NCALD: variants seen among roughly 807,000 people sequenced by gnomAD.
NCALD encodes the protein neurocalcin delta, also known as neurocalcin-delta.
NCALD carries 10 observed loss-of-function variants against 18.6 expected under a neutral mutation model. The ratio of observed to expected loss-of-function variants is 0.54; its 90% CI spans 0.33 to 0.91. The LOEUF (loss-of-function observed/expected upper bound fraction) is 0.91. Ranked by LOEUF, NCALD falls within the 40% of genes least tolerant of loss-of-function variation. NCALD has a pLI of 0.03. For missense variants in NCALD, 184 were observed against 247.6 expected, an observed-to-expected ratio of 0.74 and a Z score of 1.72; for synonymous variants, 88 against 87.4, an observed-to-expected ratio of 1.01 and a Z score of -0.04.
At chr8:101,794,213 A>G (rs1401759166), upstream of NCALD, among the ~76,000 whole-genome samples, 1 of 152,230 alleles carries the variant, frequency 6.6e-6, no homozygotes, top group Non-Finnish European at 1.5e-5. Context: ...GACTCTGATA[A>G]GCCTACAAAG....
chr8:101,826,239 C>T (rs1416024069), intron 4 of NCALD, among the ~76,000 whole-genome samples: 2 of 152,132 alleles, frequency 1.3e-5, no homozygotes, highest in Admixed American at 6.5e-5. Flanking sequence ...GGACCCTAGG[C>T]GGGAGTGTTT....
chr8:102,075,042 C>T (rs1824297402), intron 1 of NCALD, among the ~76,000 whole-genome samples: 2 of 152,180 alleles, frequency 1.3e-5, no homozygotes, highest in Admixed American at 1.3e-4. Context: ...GAAAAGACAA[C>T]ATCACAGACT....
intron 1 of NCALD, among the ~76,000 whole-genome samples, chr8:101,778,621 A>T (rs977342455): frequency 6.6e-6 from 1 of 152,178 alleles, no homozygotes; most frequent in Non-Finnish European, 1.5e-5. Context: ...TTTGAGATCC[A>T]GAAGACAAAA....
At chr8:101,846,293 G>T (rs2131311271) in intron 4 of NCALD, among the ~76,000 whole-genome samples, 1 of 152,204 alleles carries the variant, frequency 6.6e-6, no homozygotes, top group Non-Finnish European at 1.5e-5. Flanking sequence ...CCCACTAATT[G>T]TATACAAGAG....
chr8:101,841,394 A>T (rs1418616112), intron 4 of NCALD, among the ~76,000 whole-genome samples: 1 of 152,104 alleles, frequency 6.6e-6, no homozygotes. Context: ...GGGTTCCTCA[A>T]TCCAGGCATG....
intron 1 of NCALD, among the ~76,000 whole-genome samples, chr8:101,723,230 T>C (rs569207983): frequency 5.9e-5 from 9 of 152,218 alleles, no homozygotes; most frequent in Admixed American, 1.3e-4. Flanking sequence ...TAGTTGAACA[T>C]AGGTATGACA....
chr8:101,704,995 G>A (rs1815442743), intron 2 of NCALD, among the ~76,000 whole-genome samples: 1 of 152,090 alleles, frequency 6.6e-6, no homozygotes, highest in Non-Finnish European at 1.5e-5. Context: ...GGAGGCCGAG[G>A]TGGGCGGATC....
At chr8:101,988,154 CAAA>C (rs141735735) in intron 2 of NCALD, among the ~76,000 whole-genome samples, 1 of 37,178 alleles carries the variant, frequency 2.7e-5, no homozygotes, top group Non-Finnish European at 4.8e-5. Flanking sequence ...GACTCCGTCT[CAAA>C]AAAAAAAAAA....
chr8:102,040,597 C>A (rs1283514715), intron 1 of NCALD, among the ~76,000 whole-genome samples: 1 of 152,166 alleles, frequency 6.6e-6, no homozygotes, highest in Non-Finnish European at 1.5e-5. Context: ...CAGCCTCTAG[C>A]TGTTATCCTG....
chr8:101,732,080 G>A (rs1563708149), intron 1 of NCALD, among the ~76,000 whole-genome samples: 1 of 152,196 alleles, frequency 6.6e-6, no homozygotes, highest in East Asian at 1.9e-4. Flanking sequence ...GGGAAGAGGA[G>A]GGTGCTCTGG....
At chr8:102,089,147 C>G (rs1824840098) in intron 1 of NCALD, among the ~76,000 whole-genome samples, 1 of 152,196 alleles carries the variant, frequency 6.6e-6, no homozygotes, top group African/African-American at 2.4e-5. Flanking sequence ...GTAATCCCAG[C>G]ACTTTGGGAG....
chr8:102,104,439 A>T (rs1825383623), intron 1 of NCALD, among the ~76,000 whole-genome samples: 1 of 152,226 alleles, frequency 6.6e-6, no homozygotes, highest in African/African-American at 2.4e-5. Context: ...GTTTTTCTCA[A>T]AAAGTTGCAA....
chr8:101,838,245 T>C (rs568021355), intron 4 of NCALD, among the ~76,000 whole-genome samples: 2 of 152,202 alleles, frequency 1.3e-5, no homozygotes, highest in East Asian at 3.9e-4. Flanking sequence ...TTTTTTGAGA[T>C]GGATTCTTGC....
intron 4 of NCALD, among the ~76,000 whole-genome samples, chr8:101,845,445 A>G (rs896820293): frequency 6.6e-6 from 1 of 152,186 alleles, no homozygotes; most frequent in Non-Finnish European, 1.5e-5. Context: ...GATGGATATT[A>G]TGGGATGACT....
At chr8:102,108,931 G>A (rs1345713699) in intron 1 of NCALD, among the ~76,000 whole-genome samples, 1 of 152,166 alleles carries the variant, frequency 6.6e-6, no homozygotes, top group South Asian at 2.1e-4. Flanking sequence ...TGGAAAGCAG[G>A]AATAACCATG....
chr8:102,112,708 G>A (rs191426494), intron 1 of NCALD, among the ~76,000 whole-genome samples: 264 of 152,318 alleles, frequency 1.7e-3, no homozygotes, highest in Admixed American at 2.7e-3. Context: ...GGACTTAATG[G>A]AAGGTGCTTG....
At chr8:101,979,417 G>A (rs925655562) in intron 2 of NCALD, among the ~76,000 whole-genome samples, 1 of 152,176 alleles carries the variant, frequency 6.6e-6, no homozygotes, top group Non-Finnish European at 1.5e-5. Context: ...CTCTTAGGCA[G>A]CTTACAACAA....
intron 4 of NCALD, among the ~76,000 whole-genome samples, chr8:101,823,296 T>C (rs1319764923): frequency 6.6e-6 from 1 of 152,182 alleles, no homozygotes; most frequent in Non-Finnish European, 1.5e-5. Context: ...AAAAGAGAAA[T>C]CTTAGAACTG....
chr8:102,095,121 G>C (rs901678000), intron 1 of NCALD, among the ~76,000 whole-genome samples: 1 of 152,232 alleles, frequency 6.6e-6, no homozygotes, highest in African/African-American at 2.4e-5. Context: ...CGTATGTTTT[G>C]TTGAGTATAA....
Sources: allele counts gnomAD v4.1 joint callset (sites outside exome capture counted in the v4.1 genomes callset), GRCh38; gene constraint gnomAD v4.1.1; transcripts MANE v1.5; gene names NCBI Gene and HGNC (gene_info 2026-07-23, HGNC 2026-07-21).